The following ARMH3 variants were observed in gnomAD, a reference collection of about 807,000 sequenced individuals.
The protein encoded by ARMH3 is armadillo-like helical domain-containing protein 3.
Under a neutral mutation model 99.1 loss-of-function variants are expected in ARMH3, and 60 were observed. The ratio of observed to expected loss-of-function variants is 0.61; its 90% CI spans 0.49 to 0.75. The LOEUF (loss-of-function observed/expected upper bound fraction) is 0.75. ARMH3 is among the 30% of genes least tolerant of loss of function. ARMH3 has a pLI of 0.00. For synonymous variants in ARMH3, 285 were observed against 292.8 expected, an observed-to-expected ratio of 0.97 and a Z score of 0.27; for missense variants, 679 against 843.1, an observed-to-expected ratio of 0.81 and a Z score of 2.41.
intron 23 of ARMH3, among the ~76,000 whole-genome samples, chr10:101,901,401 A>C (rs1238008631): frequency 6.6e-6 from 1 of 152,130 alleles, no homozygotes. Flanking sequence ...AGTCTGCCAA[A>C]GTAATTAAGC....
At chr10:102,008,577 G>C (rs1244840761) in intron 13 of ARMH3, among the ~76,000 whole-genome samples, 1 of 151,366 alleles carries the variant, frequency 6.6e-6, no homozygotes, top group Non-Finnish European at 1.5e-5. Flanking sequence ...TTTTGAGACA[G>C]AGTCTCACTC....
chr10:101,975,042 T>A (rs1284254300), intron 20 of ARMH3, among the ~76,000 whole-genome samples, 170 bp downstream of exon 20: 46 of 7,540 alleles, frequency 6.1e-3, no homozygotes, highest in Admixed American at 0.01. Flanking sequence ...CGAAAAAAGC[T>A]AAAACGTAAA....
intron 21 of ARMH3, 114 bp from the exon 22 acceptor site, chr10:101,956,837 C>A: frequency 8.8e-7 from 1 of 1,137,610 alleles, no homozygotes; most frequent in East Asian, 2.9e-5. Flanking sequence ...GTAAAATTTT[C>A]AGGAATTTTG....
chr10:101,900,235 G>A (rs1292465638), intron 23 of ARMH3, among the ~76,000 whole-genome samples: 1 of 152,152 alleles, frequency 6.6e-6, no homozygotes, highest in African/African-American at 2.4e-5. Context: ...GCTACAGAAT[G>A]AAAACCTCTA....
intron 23 of ARMH3, among the ~76,000 whole-genome samples, chr10:101,938,445 A>G (rs1844089373): frequency 6.6e-6 from 1 of 152,200 alleles, no homozygotes; most frequent in Non-Finnish European, 1.5e-5. Context: ...GCCAGAAACC[A>G]CTGAAAGGAA....
At chr10:101,928,060 G>A (rs1388710502) in intron 23 of ARMH3, among the ~76,000 whole-genome samples, 1 of 152,040 alleles carries the variant, frequency 6.6e-6, no homozygotes, top group African/African-American at 2.4e-5. Context: ...GGCAGAGCGA[G>A]ACTGTCTCAA....
At chr10:101,878,782 G>A (rs1039382970) in intron 24 of ARMH3, among the ~76,000 whole-genome samples, 1 of 151,836 alleles carries the variant, frequency 6.6e-6, no homozygotes, top group Non-Finnish European at 1.5e-5. Flanking sequence ...AGCTATAATT[G>A]TGTTACTGCA....
chr10:101,991,793 A>G (rs907722924), intron 18 of ARMH3, among the ~76,000 whole-genome samples, 176 bp downstream of exon 18: 12 of 152,202 alleles, frequency 7.9e-5, no homozygotes, highest in African/African-American at 1.9e-4. Flanking sequence ...TGACCACTCT[A>G]TAACTGGGGT....
intron 22 of ARMH3, among the ~76,000 whole-genome samples, chr10:101,945,718 C>T (rs1228687117): frequency 6.7e-6 from 1 of 149,882 alleles, no homozygotes; most frequent in Non-Finnish European, 1.5e-5. Flanking sequence ...GAGACTCTGT[C>T]TCAAAAAAGA....
chr10:101,981,529 C>A (rs1357861304), intron 19 of ARMH3, among the ~76,000 whole-genome samples: 1 of 152,208 alleles, frequency 6.6e-6, no homozygotes, highest in African/African-American at 2.4e-5. Flanking sequence ...AATTTATAAG[C>A]TAAAGTCCTA....
At chr10:101,932,306 A>G (rs1278684622) in intron 23 of ARMH3, among the ~76,000 whole-genome samples, 3 of 152,236 alleles carry the variant, frequency 2.0e-5, no homozygotes, top group African/African-American at 7.2e-5. Context: ...AGTGTTGGGA[A>G]GAATGTGAAG....
At chr10:101,984,384 C>G (rs1467599076) in intron 19 of ARMH3, among the ~76,000 whole-genome samples, 3 of 152,172 alleles carry the variant, frequency 2.0e-5, no homozygotes, top group African/African-American at 7.2e-5. Flanking sequence ...TTCCCATGAA[C>G]TTGAGAGTCA....
At chr10:102,024,407 C>A (rs540765717) in intron 6 of ARMH3, among the ~76,000 whole-genome samples, 1 of 151,914 alleles carries the variant, frequency 6.6e-6, no homozygotes, top group Admixed American at 6.6e-5. Context: ...CAGGATCATG[C>A]CATTGCACTC....
intron 19 of ARMH3, among the ~76,000 whole-genome samples, chr10:101,986,134 C>A (rs1846491235): frequency 6.6e-6 from 1 of 152,158 alleles, no homozygotes; most frequent in South Asian, 2.1e-4. Context: ...TTCTTTCATG[C>A]TTGTAGCAAT....
chr10:102,039,001 A>C (rs1443937874), intron 2 of ARMH3, among the ~76,000 whole-genome samples: 1 of 151,960 alleles, frequency 6.6e-6, no homozygotes, highest in Non-Finnish European at 1.5e-5. Context: ...TCAGCCTCCC[A>C]AAGTGCTAGG....
chr10:102,007,306 C>T (rs1308654945), intron 13 of ARMH3, among the ~76,000 whole-genome samples: 3 of 147,280 alleles, frequency 2.0e-5, no homozygotes, highest in Non-Finnish European at 3.0e-5. Flanking sequence ...GTTCCCATTA[C>T]ATAAGTTTTT....
chr10:101,926,168 C>T (rs905864605), intron 23 of ARMH3, among the ~76,000 whole-genome samples: 2 of 152,026 alleles, frequency 1.3e-5, no homozygotes, highest in African/African-American at 4.8e-5. Flanking sequence ...TGATATAAAC[C>T]TGATAATTTA....
chr10:102,018,053 T>G (rs1175267593), intron 8 of ARMH3, among the ~76,000 whole-genome samples: 1 of 152,116 alleles, frequency 6.6e-6, no homozygotes, highest in African/African-American at 2.4e-5. Context: ...GTACTGCTAT[T>G]TATTAAGTGA....
intron 24 of ARMH3, among the ~76,000 whole-genome samples, chr10:101,850,763 C>G (rs1172023418): frequency 1.3e-5 from 2 of 152,090 alleles, no homozygotes; most frequent in Non-Finnish European, 2.9e-5. Context: ...CTTTCCTGAC[C>G]AGCCCAGCCT....
Sources: gnomAD v4.1 joint callset for allele counts (sites outside exome capture counted in the v4.1 genomes callset) on GRCh38, gnomAD v4.1.1 for gene constraint, MANE v1.5 for transcripts, NCBI Gene and HGNC (gene_info 2026-07-23, HGNC 2026-07-21) for gene names.